Variants in RERE observed in about 807,000 individuals in gnomAD.
RERE encodes arginine-glutamic acid dipeptide repeats protein.
In RERE, 40 loss-of-function variants were observed where a neutral mutation model predicts 146.1. The observed-to-expected ratio is 0.27, with a 90% CI of 0.21 to 0.36. RERE has a LOEUF of 0.36. RERE is among the 10% of genes least tolerant of loss of function. The pLI, the probability that RERE is intolerant of heterozygous loss-of-function variation, is 1.00. For synonymous variants in RERE, 1,003 were observed against 866.0 expected (o/e 1.16, Z -2.78); for missense variants, 1,933 against 2,138.7 (o/e 0.90, Z 1.90).
intron 6 of RERE, among the ~76,000 whole-genome samples, chr1:8,551,728 G>C (rs1557683292): frequency 6.6e-6 from 1 of 152,194 alleles, no homozygotes; most frequent in Non-Finnish European, 1.5e-5. Context: ...GGAACCAGAT[G>C]TGTGTGTTTG....
intron 12 of RERE, among the ~76,000 whole-genome samples, chr1:8,400,881 G>A (rs1643227757): frequency 7.0e-6 from 1 of 143,820 alleles, no homozygotes; most frequent in South Asian, 2.2e-4. Context: ...ATCCAGGCGT[G>A]ATGGCGTGCA....
chr1:8,478,130 A>T (rs568904396), intron 10 of RERE, among the ~76,000 whole-genome samples: 4 of 152,342 alleles, frequency 2.6e-5, no homozygotes, highest in African/African-American at 7.2e-5. Flanking sequence ...AGAAAAAATC[A>T]GAAAGACTGT....
intron 12 of RERE, among the ~76,000 whole-genome samples, chr1:8,385,991 A>AAAAAAAT (rs1642639147): frequency 3.3e-5 from 1 of 30,590 alleles, no homozygotes; most frequent in Non-Finnish European, 6.3e-5. Context: ...AAAAAAAAAA[A>AAAAAAAT]AAATATATAT....
intron 4 of RERE, among the ~76,000 whole-genome samples, chr1:8,570,767 CCT>C (rs887481004): frequency 1.5e-3 from 224 of 152,262 alleles, no homozygotes; most frequent in African/African-American, 5.1e-3. Flanking sequence ...CTCCAGGTGC[CCT>C]CTCTTTTAGA....
intron 12 of RERE, among the ~76,000 whole-genome samples, chr1:8,386,730 T>G (rs1463210257): frequency 2.6e-5 from 4 of 151,932 alleles, no homozygotes; most frequent in Admixed American, 1.3e-4. Flanking sequence ...AATGCCCAAA[T>G]TCTTTGTGTT....
At chr1:8,802,289 CA>C (rs1159316631) in intron 1 of RERE, among the ~76,000 whole-genome samples, 4 of 152,228 alleles carry the variant, frequency 2.6e-5, no homozygotes, top group Admixed American at 2.6e-4. Context: ...GTGGTCTGAA[CA>C]GCTACCCGCT....
At chr1:8,544,042 T>C (rs1645829933) in intron 6 of RERE, among the ~76,000 whole-genome samples, 1 of 152,176 alleles carries the variant, frequency 6.6e-6, no homozygotes, top group Non-Finnish European at 1.5e-5. Context: ...TGGAAATGTC[T>C]CTCATGTGTT....
intron 1 of RERE, among the ~76,000 whole-genome samples, chr1:8,684,793 C>G (rs1387717334): frequency 6.6e-6 from 1 of 152,210 alleles, no homozygotes; most frequent in Admixed American, 6.5e-5. Flanking sequence ...TTGGTCACCT[C>G]CAGAAGCTAA....
rs1052688269 is a variant in RERE at position 8,602,557 on chromosome 1, G to A, written c.522+12004C>T. Among the ~76,000 whole-genome samples the A allele has an allele frequency of 7.4e-5, 11 of 149,588 alleles. No homozygotes were observed. In the South Asian group the frequency reaches 1.5e-3, roughly 20 times the overall value. Reference sequence around the variant, plus strand: ...AAAAACTAAACTTGAGCTATATACCGATGTCTACCCACTAAAATTACTAAA... The same window carrying A: ...AAAAACTAAACTTGAGCTATATACCAATGTCTACCCACTAAAATTACTAAA... On this transcript the variant is annotated intron_variant, in intron 4 of 22. Transcript: ENST00000400908.
intron 6 of RERE, among the ~76,000 whole-genome samples, chr1:8,548,382 G>C (rs983097411): frequency 5.9e-5 from 9 of 151,972 alleles, no homozygotes; most frequent in Non-Finnish European, 1.5e-5. Flanking sequence ...GGTCAACAAG[G>C]AGAAACCAAA....
intron 7 of RERE, among the ~76,000 whole-genome samples, chr1:8,539,647 G>A (rs897147532): frequency 5.3e-5 from 8 of 152,018 alleles, no homozygotes; most frequent in South Asian, 2.1e-4. Flanking sequence ...CTCACGATCC[G>A]CCCGCCTTGG....
At chr1:8,367,110 A>C (rs953110409) in intron 12 of RERE, among the ~76,000 whole-genome samples, 1 of 152,140 alleles carries the variant, frequency 6.6e-6, no homozygotes, top group Non-Finnish European at 1.5e-5. Context: ...TGAATGGAGG[A>C]GGCAAAAAGA....
chr1:8,792,970 A>C (rs1043082842), intron 1 of RERE, among the ~76,000 whole-genome samples: 1 of 152,006 alleles, frequency 6.6e-6, no homozygotes, highest in Non-Finnish European at 1.5e-5. Context: ...CAGCCTGGCC[A>C]ACACGGTGAA....
chr1:8,517,049 G>A (rs1417080154), intron 7 of RERE, among the ~76,000 whole-genome samples: 1 of 152,112 alleles, frequency 6.6e-6, no homozygotes, highest in Non-Finnish European at 1.5e-5. Context: ...AGCTATCCAT[G>A]TGATAAAATG....
chr1:8,465,548 C>T, intron 11 of RERE: 2 of 348,334 alleles, frequency 5.7e-6, no homozygotes, highest in South Asian at 4.4e-5. Flanking sequence ...AAAAAAAAGA[C>T]AAGTCACCAA....
At chr1:8,465,006 T>A (rs2124123219) in intron 11 of RERE, 1 of 152,350 alleles carries the variant, frequency 6.6e-6, no homozygotes, top group South Asian at 2.1e-4. Flanking sequence ...TATTTTAAAA[T>A]ACAGGAGAGG....
At chr1:8,740,958 C>T (rs1443370140) in intron 1 of RERE, among the ~76,000 whole-genome samples, 2 of 152,176 alleles carry the variant, frequency 1.3e-5, no homozygotes, top group South Asian at 2.1e-4. Context: ...ATACATAAAC[C>T]AGTAAAACAA....
intron 4 of RERE, 132 bp downstream of exon 4, chr1:8,614,429 T>C (rs1646827587): frequency 1.1e-6 from 1 of 934,630 alleles, no homozygotes; most frequent in East Asian, 2.7e-5. Context: ...GTGCATGTAC[T>C]TGTTACTCCT....
intron 12 of RERE, among the ~76,000 whole-genome samples, chr1:8,387,923 G>A (rs561082822): frequency 2.6e-5 from 4 of 152,292 alleles, no homozygotes; most frequent in Admixed American, 2.0e-4. Context: ...TAAAGAATTC[G>A]TGTGCATGTG....
Sources: gnomAD v4.1 joint callset for allele counts (sites outside exome capture counted in the v4.1 genomes callset) on GRCh38, gnomAD v4.1.1 for gene constraint, MANE v1.5 for transcripts, NCBI Gene and HGNC (gene_info 2026-07-23, HGNC 2026-07-21) for gene names.